RANBP17: variants seen among roughly 807,000 people sequenced by gnomAD.
RANBP17 encodes ran-binding protein 17.
Under a neutral mutation model 141.2 loss-of-function variants are expected in RANBP17, and 158 were observed. That is an observed-to-expected ratio of 1.12 (90% CI 0.98 to 1.28). The LOEUF (loss-of-function observed/expected upper bound fraction) is 1.28. Ranked by LOEUF, RANBP17 falls within the 50% of genes most tolerant of loss-of-function variation. RANBP17 has a pLI of 0.00. For synonymous variants in RANBP17, 430 were observed against 450.0 expected, an observed-to-expected ratio of 0.96 and a Z score of 0.56; for missense variants, 1,438 against 1,290.7, an observed-to-expected ratio of 1.11 and a Z score of -1.75.
intron 14 of RANBP17, among the ~76,000 whole-genome samples, chr5:171,004,522 G>A (rs1779443615): frequency 6.6e-6 from 1 of 152,138 alleles, no homozygotes; most frequent in Non-Finnish European, 1.5e-5. Flanking sequence ...TGAAAAGAAG[G>A]TAATGTGGAG....
At position 170,916,503 on chromosome 5, in the gene RANBP17, G is replaced by A. The variant is rs1295128276; in HGVS notation, c.873G>A (p.Arg291=). 1.9e-6 allele frequency: 3 copies of A among 1,576,370 alleles called. No homozygotes were observed. Among genetic ancestry groups the A allele is most frequent in the Non-Finnish European group, 1.7e-6 (2 of 1,159,884 alleles). The change falls in exon 9 of 28, where the codon AGG becomes AGA. Residue 291 remains arginine (R), a synonymous_variant. Coordinates refer to ENST00000523189, the MANE Select transcript of RANBP17 (RefSeq NM_022897.5). ...TAGTTCAGTTTGCTTCGACAAGAAG[G>A]TCCTTATTTAACAGTCCTGAACGTG... ...SCLVQFASTR[R]SLFNSPERAK...
intron 5 of RANBP17, among the ~76,000 whole-genome samples, chr5:170,898,742 A>G (rs1194835680): frequency 6.6e-6 from 1 of 152,214 alleles, no homozygotes; most frequent in Admixed American, 6.5e-5. Context: ...GTATATGGCT[A>G]GCCAGTTTTC....
chr5:170,985,000 G>T (rs2127556204), intron 14 of RANBP17, among the ~76,000 whole-genome samples: 1 of 150,654 alleles, frequency 6.6e-6, no homozygotes, highest in South Asian at 2.1e-4. Flanking sequence ...CATATACACA[G>T]ACACACAGAC....
intron 16 of RANBP17, among the ~76,000 whole-genome samples, chr5:171,179,451 C>G (rs1760737481): frequency 6.6e-6 from 1 of 152,090 alleles, no homozygotes; most frequent in Non-Finnish European, 1.5e-5. Flanking sequence ...TTCAGTTACT[C>G]TACTTTGTGC....
intron 14 of RANBP17, among the ~76,000 whole-genome samples, chr5:170,971,724 C>T (rs1470080515): frequency 6.6e-6 from 1 of 152,150 alleles, no homozygotes; most frequent in East Asian, 1.9e-4. Context: ...TTTGGAGTAT[C>T]TCTCAGGTGT....
At chr5:171,048,933 G>T (rs1782771784) in intron 14 of RANBP17, among the ~76,000 whole-genome samples, 1 of 152,148 alleles carries the variant, frequency 6.6e-6, no homozygotes, top group Non-Finnish European at 1.5e-5. Context: ...TATTGCTGCA[G>T]TGAACATACT....
At chr5:171,039,114 A>G (rs1213276962) in intron 14 of RANBP17, among the ~76,000 whole-genome samples, 3 of 152,126 alleles carry the variant, frequency 2.0e-5, no homozygotes, top group African/African-American at 7.2e-5. Flanking sequence ...TGCTAGGTCC[A>G]ATGGTAGTTC....
At chr5:171,046,474 C>T (rs1055676926) in intron 14 of RANBP17, among the ~76,000 whole-genome samples, 11 of 151,996 alleles carry the variant, frequency 7.2e-5, no homozygotes, top group African/African-American at 2.7e-4. Flanking sequence ...TCCCAAAGTG[C>T]TGGGATTACA....
At chr5:171,063,024 C>T (rs1226718371) in intron 14 of RANBP17, among the ~76,000 whole-genome samples, 1 of 152,100 alleles carries the variant, frequency 6.6e-6, no homozygotes, top group Non-Finnish European at 1.5e-5. Flanking sequence ...CTCCTTTAAG[C>T]ACTTCTCTGT....
At chr5:170,972,175 A>ATT (rs5873248) in intron 14 of RANBP17, among the ~76,000 whole-genome samples, 64 of 101,324 alleles carry the variant, frequency 6.3e-4, no homozygotes, top group Non-Finnish European at 7.6e-4. Context: ...GATCTTTAGG[A>ATT]TTTTTTTTTT....
At chr5:171,152,164 G>A (rs1292365385) in intron 14 of RANBP17, among the ~76,000 whole-genome samples, 9 of 151,790 alleles carry the variant, frequency 5.9e-5, no homozygotes, top group Non-Finnish European at 1.5e-5. Context: ...TGTAATCCCA[G>A]CACTTTGGGA....
intron 14 of RANBP17, among the ~76,000 whole-genome samples, chr5:171,152,040 A>G (rs1463490081): frequency 6.6e-6 from 1 of 152,136 alleles, no homozygotes; most frequent in Non-Finnish European, 1.5e-5. Context: ...ATAATTAGAA[A>G]GTGAGAAACC....
chr5:170,905,108 C>T (rs185036541), intron 5 of RANBP17, among the ~76,000 whole-genome samples: 1 of 151,698 alleles, frequency 6.6e-6, no homozygotes, highest in East Asian at 1.9e-4. Flanking sequence ...GGCCTTTTTT[C>T]ACTTTATGGC....
At chr5:171,062,158 C>G (rs1029565356) in intron 14 of RANBP17, among the ~76,000 whole-genome samples, 1 of 151,836 alleles carries the variant, frequency 6.6e-6, no homozygotes. Flanking sequence ...AGTCCATTTA[C>G]ATTTAAAGTT....
chr5:170,889,272 C>G (rs188077555), intron 3 of RANBP17, among the ~76,000 whole-genome samples: 1 of 152,170 alleles, frequency 6.6e-6, no homozygotes, highest in Non-Finnish European at 1.5e-5. Flanking sequence ...TGTATCGTCT[C>G]TTTCCTTTCC....
intron 14 of RANBP17, among the ~76,000 whole-genome samples, chr5:171,166,427 T>G (rs1050962718): frequency 5.3e-5 from 5 of 95,162 alleles, no homozygotes; most frequent in African/African-American, 1.2e-4. Flanking sequence ...TGAAAGTGAG[T>G]TTTTTTTTTT....
chr5:171,259,197 A>G (rs1766121194), intron 24 of RANBP17, among the ~76,000 whole-genome samples: 1 of 152,230 alleles, frequency 6.6e-6, no homozygotes, highest in Admixed American at 6.5e-5. Flanking sequence ...CAGAATGGCT[A>G]TTATTAAAAA....
chr5:171,296,044 G>A (rs1768796670), intron 27 of RANBP17, 30 bp downstream of exon 27: 3 of 1,602,626 alleles, frequency 1.9e-6, no homozygotes, highest in Non-Finnish European at 2.6e-6. Context: ...GTGTCACTGG[G>A]GGAAGTAGAC....
chr5:171,135,704 A>C (rs924681848), intron 14 of RANBP17, among the ~76,000 whole-genome samples: 2 of 152,188 alleles, frequency 1.3e-5, no homozygotes, highest in Non-Finnish European at 1.5e-5. Context: ...GAGTAAAGAG[A>C]AAATTCTTTT....
Sources: allele counts gnomAD v4.1 joint callset (sites outside exome capture counted in the v4.1 genomes callset), GRCh38; gene constraint gnomAD v4.1.1; transcripts MANE v1.5; gene names NCBI Gene and HGNC (gene_info 2026-07-23, HGNC 2026-07-21).